Variants in HCN1 observed in about 807,000 individuals in gnomAD.
HCN1 encodes potassium/sodium hyperpolarization-activated cyclic nucleotide-gated channel 1.
Under a neutral mutation model 78.9 loss-of-function variants are expected in HCN1, and 13 were observed. The ratio of observed to expected loss-of-function variants is 0.16; its 90% confidence interval spans 0.11 to 0.26. HCN1 has a LOEUF of 0.26. Among genes scored for constraint, HCN1 ranks in the 10% least tolerant of loss-of-function variants. The pLI, the probability that HCN1 is intolerant of heterozygous loss-of-function variation, is 1.00. For missense variants in HCN1, 810 were observed against 1,154.3 expected, an observed-to-expected ratio of 0.70 and a Z score of 4.32; for synonymous variants, 552 against 455.5, an observed-to-expected ratio of 1.21 and a Z score of -2.70.
chr5:45,522,120 A>C lies in HCN1; in HGVS notation c.850-60113T>G, dbSNP rs188607125. Among the ~76,000 whole-genome samples, 157 of 152,074 alleles carry C rather than the reference A, an allele frequency of 1.0e-3. 2 individuals are homozygous for C. The highest frequency in any genetic ancestry group is 6.9e-3 in the Middle Eastern group (2 of 290). Reference sequence around the variant, plus strand: ...TAATAACCTATAGTTAGAAACCTTGATTTTATTCCACTTCTTTAAAATATA... The same window carrying C: ...TAATAACCTATAGTTAGAAACCTTGCTTTTATTCCACTTCTTTAAAATATA... On this transcript the variant is annotated intron_variant, in intron 2 of 7. Transcript: ENST00000303230.
At chr5:45,375,124 A>T (rs1301127682) in intron 4 of HCN1, among the ~76,000 whole-genome samples, 2 of 122,210 alleles carry the variant, frequency 1.6e-5, no homozygotes, top group African/African-American at 6.3e-5. Context: ...AATATATTAT[A>T]TATAATATAT....
At chr5:45,465,584 G>T (rs1215673097) in intron 2 of HCN1, among the ~76,000 whole-genome samples, 1 of 151,962 alleles carries the variant, frequency 6.6e-6, no homozygotes, top group African/African-American at 2.4e-5. Context: ...GTGAACCCTT[G>T]TCTCTACTAA....
intron 2 of HCN1, among the ~76,000 whole-genome samples, chr5:45,487,317 C>A (rs1741788330): frequency 6.6e-6 from 1 of 152,028 alleles, no homozygotes; most frequent in African/African-American, 2.4e-5. Context: ...TTTTGCTGTA[C>A]TCTTCATTTG....
At chr5:45,349,614 G>C (rs1018404825) in intron 5 of HCN1, among the ~76,000 whole-genome samples, 2 of 152,022 alleles carry the variant, frequency 1.3e-5, no homozygotes, top group Non-Finnish European at 2.9e-5. Context: ...CAACAAAATT[G>C]ATAGACCGCT....
intron 3 of HCN1, among the ~76,000 whole-genome samples, chr5:45,413,351 T>C (rs1740060163): frequency 6.6e-6 from 1 of 152,070 alleles, no homozygotes; most frequent in African/African-American, 2.4e-5. Flanking sequence ...TGAGATACAG[T>C]ATCATTTTGC....
intron 5 of HCN1, among the ~76,000 whole-genome samples, chr5:45,318,133 C>T (rs1161300676): frequency 6.6e-6 from 1 of 152,074 alleles, no homozygotes; most frequent in Non-Finnish European, 1.5e-5. Flanking sequence ...TATTGTGTCA[C>T]TATTCACAAT....
intron 1 of HCN1, among the ~76,000 whole-genome samples, chr5:45,682,606 G>C (rs1739725264): frequency 6.6e-6 from 1 of 151,688 alleles, no homozygotes; most frequent in Admixed American, 6.6e-5. Context: ...TGGGAGCCTG[G>C]GAGTGCAGTA....
intron 2 of HCN1, among the ~76,000 whole-genome samples, chr5:45,599,590 T>TA (rs1271885408): frequency 6.6e-6 from 1 of 152,160 alleles, no homozygotes; most frequent in Non-Finnish European, 1.5e-5. Context: ...GGCTACCACT[T>TA]AAAAAAACAA....
At chr5:45,493,155 G>A (rs374137951) in intron 2 of HCN1, among the ~76,000 whole-genome samples, 1 of 151,882 alleles carries the variant, frequency 6.6e-6, no homozygotes, top group Non-Finnish European at 1.5e-5. Flanking sequence ...AAACTACTGA[G>A]TTTTTGCAGC....
At chr5:45,533,902 A>G (rs1238477333) in intron 2 of HCN1, among the ~76,000 whole-genome samples, 2 of 152,206 alleles carry the variant, frequency 1.3e-5, no homozygotes, top group Non-Finnish European at 2.9e-5. Context: ...AGCAGGGCAC[A>G]GTTCTGTGGG....
intron 6 of HCN1, among the ~76,000 whole-genome samples, chr5:45,296,586 C>T (rs1745499239): frequency 1.3e-5 from 2 of 151,712 alleles, no homozygotes; most frequent in East Asian, 2.0e-4. Context: ...GCAATTTAAG[C>T]TCAAAGCACA....
chr5:45,344,259 AG>A (rs1202194588), intron 5 of HCN1, among the ~76,000 whole-genome samples: 1 of 152,098 alleles, frequency 6.6e-6, no homozygotes, highest in African/African-American at 2.4e-5. Flanking sequence ...ACCTCCTACC[AG>A]GTACCTCCCA....
intron 1 of HCN1, among the ~76,000 whole-genome samples, chr5:45,655,062 T>C (rs1463634072): frequency 6.6e-6 from 1 of 152,134 alleles, no homozygotes; most frequent in African/African-American, 2.4e-5. Flanking sequence ...TGTTCCAGTT[T>C]GCAGGTGTGA....
chr5:45,632,747 C>G (rs1459114369), intron 2 of HCN1, among the ~76,000 whole-genome samples: 1 of 151,942 alleles, frequency 6.6e-6, no homozygotes, highest in African/African-American at 2.4e-5. Flanking sequence ...ATTGGTTTTT[C>G]AAACAGAATC....
At chr5:45,607,275 T>G (rs1744743022) in intron 2 of HCN1, among the ~76,000 whole-genome samples, 1 of 151,746 alleles carries the variant, frequency 6.6e-6, no homozygotes, top group Admixed American at 6.6e-5. Flanking sequence ...AAAAATACCT[T>G]TTTTAAGAGA....
intron 2 of HCN1, among the ~76,000 whole-genome samples, chr5:45,581,833 A>C (rs947449127): frequency 6.6e-6 from 1 of 152,108 alleles, no homozygotes; most frequent in Non-Finnish European, 1.5e-5. Context: ...ATAGTTGTAG[A>C]TATGCAGTGT....
chr5:45,460,469 T>C (rs539995455), intron 3 of HCN1, among the ~76,000 whole-genome samples: 89 of 152,002 alleles, frequency 5.9e-4, no homozygotes, highest in African/African-American at 2.0e-3. Flanking sequence ...CAGCACAAAA[T>C]ACACCAAGAC....
At chr5:45,403,218 T>C (rs1224606998) in intron 3 of HCN1, among the ~76,000 whole-genome samples, 1 of 152,144 alleles carries the variant, frequency 6.6e-6, no homozygotes, top group East Asian at 1.9e-4. Context: ...AGTGAGCATT[T>C]AAGTAGCAGA....
chr5:45,346,669 C>T (rs182579542), intron 5 of HCN1, among the ~76,000 whole-genome samples: 33 of 152,282 alleles, frequency 2.2e-4, no homozygotes, highest in East Asian at 5.8e-4. Flanking sequence ...CCTAATACTG[C>T]GCTTTTCTGA....
Sources: gnomAD v4.1 joint callset for allele counts (sites outside exome capture counted in the v4.1 genomes callset) on GRCh38, gnomAD v4.1.1 for gene constraint, MANE v1.5 for transcripts, NCBI Gene and HGNC (gene_info 2026-07-23, HGNC 2026-07-21) for gene names.